The following NRXN3 variants were observed in gnomAD, a reference collection of about 807,000 sequenced individuals.
NRXN3 encodes the protein neurexin 3.
NRXN3 carries 32 observed loss-of-function variants against 137.6 expected under a neutral mutation model. The observed-to-expected ratio is 0.23, with a 90% CI of 0.18 to 0.31. The LOEUF is 0.31. NRXN3 is among the 10% of genes least tolerant of loss of function. The pLI is 1.00. For missense variants in NRXN3, 1,574 were observed against 2,062.5 expected (o/e 0.76, Z 4.59); for synonymous variants, 798 against 784.5 (o/e 1.02, Z -0.29).
At chr14:78,607,433 G>A (rs546728155) in intron 4 of NRXN3, among the ~76,000 whole-genome samples, 54 of 152,010 alleles carry the variant, frequency 3.6e-4, no homozygotes, top group African/African-American at 1.2e-3. Flanking sequence ...GCTTTGATCC[G>A]CTTCCCTGAC....
At chr14:79,141,373 G>T (rs1022449676) in intron 15 of NRXN3, among the ~76,000 whole-genome samples, 7 of 152,216 alleles carry the variant, frequency 4.6e-5, no homozygotes, top group African/African-American at 1.7e-4. Flanking sequence ...TAATAAATTA[G>T]ATTATTCATG....
At chr14:79,551,535 G>T (rs1485048418) in intron 16 of NRXN3, among the ~76,000 whole-genome samples, 1 of 152,140 alleles carries the variant, frequency 6.6e-6, no homozygotes, top group African/African-American at 2.4e-5. Flanking sequence ...CTTTTAAGAA[G>T]ATCTGAATGG....
Position 79,517,849 on chromosome 14 carries a change from G to GCTAATT in NRXN3, c.3444+50450_3444+50455dup, listed in dbSNP as rs1304509117. ...ACAATAGATTTCAGAATCTAAAAGG[G>GCTAATT]CTAATTCTCCCTTATTACTTTTTCT... On this transcript the variant is annotated intron_variant, in intron 16 of 20. Coordinates refer to ENST00000335750, the MANE Select transcript of NRXN3 (RefSeq NM_001330195.2). 3.4e-5 allele frequency among the ~76,000 whole-genome samples: 5 copies of GCTAATT among 148,582 alleles called. 1 individual carries two copies. The East Asian group carries it at 7.8e-4, about 23-fold the overall frequency.
chr14:78,269,337 G>A (rs910090691), intron 2 of NRXN3, among the ~76,000 whole-genome samples: 2 of 152,190 alleles, frequency 1.3e-5, no homozygotes, highest in African/African-American at 2.4e-5. Context: ...GAATAAGCCA[G>A]TCATAAAAAG....
At chr14:78,329,241 A>C (rs1031170847) in intron 4 of NRXN3, among the ~76,000 whole-genome samples, 1 of 152,174 alleles carries the variant, frequency 6.6e-6, no homozygotes, top group Non-Finnish European at 1.5e-5. Context: ...CTCTGAGTTA[A>C]AATCCCACTT....
At chr14:79,113,413 A>G (rs1306607225) in intron 15 of NRXN3, among the ~76,000 whole-genome samples, 1 of 152,064 alleles carries the variant, frequency 6.6e-6, no homozygotes, top group Admixed American at 6.5e-5. Context: ...TCCTCCATCA[A>G]TTACCCCCTC....
At chr14:79,480,179 G>C (rs2096594450) in intron 16 of NRXN3, among the ~76,000 whole-genome samples, 1 of 152,128 alleles carries the variant, frequency 6.6e-6, no homozygotes, top group African/African-American at 2.4e-5. Flanking sequence ...GTAAATACTT[G>C]AAAGGTAGAC....
chr14:78,658,282 T>C (rs1012911136), intron 6 of NRXN3, among the ~76,000 whole-genome samples: 1 of 152,220 alleles, frequency 6.6e-6, no homozygotes, highest in Non-Finnish European at 1.5e-5. Flanking sequence ...TGCATGGCTT[T>C]TAGCAAGCCG....
chr14:78,299,687 TG>T (rs939381527), intron 4 of NRXN3, among the ~76,000 whole-genome samples: 5 of 152,172 alleles, frequency 3.3e-5, no homozygotes, highest in African/African-American at 9.7e-5. Context: ...ATGGATATCT[TG>T]GAAGGCTAAA....
At chr14:79,713,959 T>G (rs1185475185) in intron 19 of NRXN3, among the ~76,000 whole-genome samples, 1 of 152,150 alleles carries the variant, frequency 6.6e-6, no homozygotes, top group Non-Finnish European at 1.5e-5. Flanking sequence ...TATGTTTGCA[T>G]GTCACTGGGT....
At chr14:78,371,790 T>C (rs2086881579) in intron 4 of NRXN3, among the ~76,000 whole-genome samples, 1 of 152,250 alleles carries the variant, frequency 6.6e-6, no homozygotes, top group Admixed American at 6.5e-5. Context: ...TTCCTGGCCA[T>C]GAAAGGATCA....
At chr14:79,291,946 T>G (rs1168230500) in intron 15 of NRXN3, among the ~76,000 whole-genome samples, 3 of 152,062 alleles carry the variant, frequency 2.0e-5, no homozygotes, top group Admixed American at 6.5e-5. Flanking sequence ...TAACAAATAC[T>G]TTAGCTTACT....
intron 4 of NRXN3, among the ~76,000 whole-genome samples, chr14:78,313,488 T>G (rs2078213242): frequency 6.6e-6 from 1 of 152,198 alleles, no homozygotes; most frequent in Admixed American, 6.6e-5. Flanking sequence ...TAAAGGTTTT[T>G]TTTTTTAACA....
At chr14:78,669,832 C>A (rs2097918588) in intron 6 of NRXN3, among the ~76,000 whole-genome samples, 1 of 151,982 alleles carries the variant, frequency 6.6e-6, no homozygotes, top group African/African-American at 2.4e-5. Flanking sequence ...TGGGTTTTGG[C>A]TGGCGGGATT....
chr14:79,363,291 C>T (rs1346824630), intron 15 of NRXN3, among the ~76,000 whole-genome samples: 1 of 152,192 alleles, frequency 6.6e-6, no homozygotes, highest in Admixed American at 6.5e-5. Flanking sequence ...TGAGCCACTG[C>T]ACCCGACAAA....
At chr14:79,235,002 C>T (rs1234084544) in intron 15 of NRXN3, among the ~76,000 whole-genome samples, 4 of 152,032 alleles carry the variant, frequency 2.6e-5, no homozygotes, top group African/African-American at 9.7e-5. Flanking sequence ...TCTTAAAATA[C>T]TATTTTAAAT....
chr14:78,754,292 A>G (rs1212173766), intron 8 of NRXN3, among the ~76,000 whole-genome samples: 1 of 152,132 alleles, frequency 6.6e-6, no homozygotes, highest in East Asian at 1.9e-4. Flanking sequence ...TGGGGTTACA[A>G]GGCTCTGTAC....
intron 4 of NRXN3, among the ~76,000 whole-genome samples, chr14:78,376,418 A>G (rs2087853885): frequency 6.6e-6 from 1 of 152,202 alleles, no homozygotes; most frequent in Non-Finnish European, 1.5e-5. Context: ...CAATTTTAAA[A>G]ACACTGCCAC....
At chr14:78,303,903 G>A (rs1221924834) in intron 4 of NRXN3, among the ~76,000 whole-genome samples, 1 of 152,084 alleles carries the variant, frequency 6.6e-6, no homozygotes, top group African/African-American at 2.4e-5. Flanking sequence ...CAAGACTTGT[G>A]TCTTTGCCCT....
Sources: gnomAD v4.1 joint callset for allele counts (sites outside exome capture counted in the v4.1 genomes callset) on GRCh38, gnomAD v4.1.1 for gene constraint, MANE v1.5 for transcripts, NCBI Gene and HGNC (gene_info 2026-07-23, HGNC 2026-07-21) for gene names.